Variants in SHISA9 observed in about 807,000 individuals in gnomAD.
The protein encoded by SHISA9 is protein shisa-9.
SHISA9 carries 13 observed loss-of-function variants against 38.0 expected under a neutral mutation model. The ratio of observed to expected loss-of-function variants is 0.34; its 90% CI spans 0.22 to 0.54. The LOEUF is 0.54. Ranked by LOEUF, SHISA9 falls within the 20% of genes least tolerant of loss-of-function variation. The pLI is 0.91. For missense variants in SHISA9, 538 were observed against 575.8 expected (o/e 0.93, Z 0.67); for synonymous variants, 275 against 242.0 (o/e 1.14, Z -1.27).
the SHISA9 span, among the ~76,000 whole-genome samples, chr16:13,452,074 T>C: frequency 6.6e-6 from 1 of 152,158 alleles, no homozygotes; most frequent in Non-Finnish European, 1.5e-5. Flanking sequence ...CACCAGGAAA[T>C]AGGTGTGCTG....
chr16:13,530,904 T>C, the SHISA9 span, among the ~76,000 whole-genome samples: 1 of 152,234 alleles, frequency 6.6e-6, no homozygotes, highest in South Asian at 2.1e-4. Context: ...TAGAGACTTC[T>C]GGGAAAAGTT....
intron 2 of SHISA9, among the ~76,000 whole-genome samples, chr16:13,143,155 G>A (rs2050417117): frequency 6.6e-6 from 1 of 151,844 alleles, no homozygotes; most frequent in Admixed American, 6.6e-5. Flanking sequence ...ACAGGCGTGT[G>A]CTACCAGGCC....
chr16:13,187,285 T>C (rs1276889712), intron 2 of SHISA9, among the ~76,000 whole-genome samples: 1 of 151,770 alleles, frequency 6.6e-6, no homozygotes, highest in Non-Finnish European at 1.5e-5. Context: ...GGAGGTAGGA[T>C]TGGCACCTTG....
chr16:12,962,003 C>T (rs35832568), intron 2 of SHISA9, among the ~76,000 whole-genome samples: 19,978 of 152,148 alleles, frequency 0.13, 1,801 homozygotes, highest in African/African-American at 0.26. Context: ...GTCCCTGTGG[C>T]GACGTCAACA....
At chr16:13,167,711 C>T (rs1487469182) in intron 2 of SHISA9, among the ~76,000 whole-genome samples, 1 of 152,116 alleles carries the variant, frequency 6.6e-6, no homozygotes, top group Non-Finnish European at 1.5e-5. Context: ...CCAGGTAAAA[C>T]ATGCCTGCTT....
chr16:13,222,856 A>T (rs931519561), intron 4 of SHISA9, among the ~76,000 whole-genome samples: 1 of 152,086 alleles, frequency 6.6e-6, no homozygotes, highest in African/African-American at 2.4e-5. Flanking sequence ...TATATATAAC[A>T]TTATCCTAAT....
chr16:13,493,851 G>T, the SHISA9 span, among the ~76,000 whole-genome samples: 1 of 152,120 alleles, frequency 6.6e-6, no homozygotes, highest in East Asian at 1.9e-4. Flanking sequence ...GGTTTGAGTG[G>T]ATCAATACAT....
chr16:13,261,598 C>G, the SHISA9 span, among the ~76,000 whole-genome samples: 1 of 152,166 alleles, frequency 6.6e-6, no homozygotes, highest in African/African-American at 2.4e-5. Flanking sequence ...CATCCAAATC[C>G]TTGCAGTGCG....
the SHISA9 span, among the ~76,000 whole-genome samples, chr16:13,429,296 A>G: frequency 6.6e-6 from 1 of 152,242 alleles, no homozygotes; most frequent in Non-Finnish European, 1.5e-5. Context: ...ATGTATTGTC[A>G]TACAGTTTTG....
At chr16:12,981,279 C>T (rs1207175043) in intron 2 of SHISA9, among the ~76,000 whole-genome samples, 1 of 152,232 alleles carries the variant, frequency 6.6e-6, no homozygotes, top group Non-Finnish European at 1.5e-5. Context: ...AGAACTTTTA[C>T]CCAGCCCTGA....
At chr16:13,452,616 G>A in the SHISA9 span, among the ~76,000 whole-genome samples, 2 of 152,260 alleles carry the variant, frequency 1.3e-5, no homozygotes, top group African/African-American at 4.8e-5. Flanking sequence ...CTTTGGGCAA[G>A]GGTTATCTTT....
intron 2 of SHISA9, among the ~76,000 whole-genome samples, chr16:12,954,588 T>G (rs1423721585): frequency 6.6e-6 from 1 of 152,178 alleles, no homozygotes; most frequent in Non-Finnish European, 1.5e-5. Context: ...CTTAGACATT[T>G]TAATGAATAA....
chr16:13,394,959 G>T, the SHISA9 span, among the ~76,000 whole-genome samples: 2 of 146,126 alleles, frequency 1.4e-5, no homozygotes, highest in Non-Finnish European at 2.9e-5. Flanking sequence ...GTGTGTGTGT[G>T]TGTGTGTGTG....
At chr16:13,198,045 C>T (rs2050965122) in intron 2 of SHISA9, among the ~76,000 whole-genome samples, 2 of 152,100 alleles carry the variant, frequency 1.3e-5, no homozygotes, top group African/African-American at 4.8e-5. Flanking sequence ...ATTAGCCGGG[C>T]TTGGTGGCAC....
chr16:13,225,796 A>G (rs776211167), intron 4 of SHISA9, among the ~76,000 whole-genome samples: 14 of 152,276 alleles, frequency 9.2e-5, no homozygotes, highest in Non-Finnish European at 1.8e-4. Flanking sequence ...GCACCTGTAC[A>G]AGTGTCTGCT....
At chr16:13,477,745 A>T in the SHISA9 span, among the ~76,000 whole-genome samples, 2 of 152,200 alleles carry the variant, frequency 1.3e-5, no homozygotes, top group Middle Eastern at 3.2e-3. Flanking sequence ...CAGGTGGATC[A>T]CTTGAGGTCA....
the SHISA9 span, among the ~76,000 whole-genome samples, chr16:13,296,503 G>A: frequency 6.6e-6 from 1 of 151,772 alleles, no homozygotes; most frequent in Non-Finnish European, 1.5e-5. Flanking sequence ...ATGTGGAAGG[G>A]CCACATTCTG....
the SHISA9 span, among the ~76,000 whole-genome samples, chr16:13,512,825 G>GCTTAT: frequency 6.6e-6 from 1 of 151,790 alleles, no homozygotes; most frequent in Admixed American, 6.6e-5. Flanking sequence ...ATTGAAACTG[G>GCTTAT]ACCCCATCCT....
At chr16:13,224,591 T>C (rs1194524920) in intron 4 of SHISA9, among the ~76,000 whole-genome samples, 2 of 152,228 alleles carry the variant, frequency 1.3e-5, no homozygotes, top group African/African-American at 4.8e-5. Context: ...GGCTGGACGT[T>C]GAGGATACAG....
Sources: gnomAD v4.1 joint callset for allele counts (sites outside exome capture counted in the v4.1 genomes callset) on GRCh38, gnomAD v4.1.1 for gene constraint, MANE v1.5 for transcripts, NCBI Gene and HGNC (gene_info 2026-07-23, HGNC 2026-07-21) for gene names.